Variants in NOL4 observed in about 807,000 individuals in gnomAD.
NOL4 encodes nucleolar protein 4.
In NOL4, 17 loss-of-function variants were observed where a neutral mutation model predicts 75.9. The ratio of observed to expected loss-of-function variants is 0.22; its 90% CI spans 0.15 to 0.34. The LOEUF is 0.34. NOL4 is among the 10% of genes least tolerant of loss of function. NOL4 has a pLI of 1.00. For missense variants in NOL4, 614 were observed against 793.5 expected, an observed-to-expected ratio of 0.77 and a Z score of 2.72; for synonymous variants, 292 against 289.9, an observed-to-expected ratio of 1.01 and a Z score of -0.07.
chr18:33,864,851 A>C (rs1439256839), intron 10 of NOL4, among the ~76,000 whole-genome samples: 1 of 152,200 alleles, frequency 6.6e-6, no homozygotes, highest in Non-Finnish European at 1.5e-5. Context: ...GCAGAAGTTA[A>C]CACATCTTAT....
intron 6 of NOL4, among the ~76,000 whole-genome samples, chr18:33,997,109 T>G (rs2073347194): frequency 6.6e-6 from 1 of 151,994 alleles, no homozygotes; most frequent in African/African-American, 2.4e-5. Context: ...TAGGTTCCAC[T>G]TGTCAATTTT....
At chr18:34,189,787 T>C (rs1180669738) in intron 1 of NOL4, among the ~76,000 whole-genome samples, 1 of 152,018 alleles carries the variant, frequency 6.6e-6, no homozygotes, top group Non-Finnish European at 1.5e-5. Context: ...AATAAATACA[T>C]ATTTTTTAAT....
In NOL4 at chr18:34,009,718, G is replaced by A. The variant is rs115097185; in HGVS notation, c.1056+9600C>T. Among the ~76,000 whole-genome samples, 860 of 151,926 alleles carry A rather than the reference G, an allele frequency of 5.7e-3. 8 individuals carry two copies. Among genetic ancestry groups the A allele is most frequent in the African/African-American group, 0.019 (804 of 41,484 alleles). The stretch of plus-strand genomic sequence containing the variant: ...CTAGTAGCTGGGGGTCTCAGCATCA[G>A]GTCAAGTTTGCAGCTACTCATTCTC... On this transcript the variant is annotated intron_variant, in intron 6 of 10. Coordinates refer to ENST00000261592, the MANE Select transcript of NOL4 (RefSeq NM_003787.5).
intron 9 of NOL4, among the ~76,000 whole-genome samples, chr18:33,935,985 T>C (rs1264925473): frequency 1.3e-5 from 2 of 152,142 alleles, no homozygotes; most frequent in Non-Finnish European, 2.9e-5. Context: ...CTTGTTAATA[T>C]CACAATGTCT....
At chr18:34,185,887 C>T (rs2034426353) in intron 1 of NOL4, among the ~76,000 whole-genome samples, 1 of 152,170 alleles carries the variant, frequency 6.6e-6, no homozygotes, top group Non-Finnish European at 1.5e-5. Flanking sequence ...ATAACTAGAA[C>T]ATACATGCAA....
intron 6 of NOL4, among the ~76,000 whole-genome samples, chr18:33,985,986 T>C (rs147634149): frequency 1.6e-3 from 248 of 152,204 alleles, no homozygotes; most frequent in African/African-American, 5.6e-3. Flanking sequence ...TCATAAACTT[T>C]TCATCAAATA....
intron 1 of NOL4, among the ~76,000 whole-genome samples, chr18:34,171,986 G>A (rs1256418813): frequency 1.3e-5 from 2 of 151,974 alleles, no homozygotes; most frequent in Non-Finnish European, 2.9e-5. Context: ...ATGAAGCCTT[G>A]CCTGTACAAA....
chr18:33,973,888 C>T (rs1434402913), intron 6 of NOL4, among the ~76,000 whole-genome samples: 3 of 151,110 alleles, frequency 2.0e-5, no homozygotes, highest in Admixed American at 6.6e-5. Flanking sequence ...TCTTAAGGGC[C>T]GTAGGATTTT....
At chr18:34,204,437 T>C (rs1033119248) in intron 1 of NOL4, among the ~76,000 whole-genome samples, 10 of 152,246 alleles carry the variant, frequency 6.6e-5, no homozygotes, top group African/African-American at 2.2e-4. Flanking sequence ...CCTTCTCTTA[T>C]CCTTTTATAA....
At chr18:34,134,043 T>C (rs1376727333) in intron 1 of NOL4, among the ~76,000 whole-genome samples, 1 of 152,082 alleles carries the variant, frequency 6.6e-6, no homozygotes, top group African/African-American at 2.4e-5. Context: ...TATACTTTTC[T>C]ACTTTCTTCC....
chr18:34,010,146 C>G (rs1323864876), intron 6 of NOL4, among the ~76,000 whole-genome samples: 2 of 151,810 alleles, frequency 1.3e-5, no homozygotes, highest in South Asian at 2.1e-4. Context: ...TACACTTCCC[C>G]CCTCTCCCCA....
Position 34,065,114 on chromosome 18 carries a change from G to A in NOL4, c.772+28351C>T, listed in dbSNP as rs111498680. Among the ~76,000 whole-genome samples, 853 of 151,962 alleles carry A rather than the reference G, an allele frequency of 5.6e-3. 7 individuals carry two copies. The highest frequency in any genetic ancestry group is 7.4e-3 in the Non-Finnish European group (503 of 67,794). On this transcript the variant is annotated intron_variant, in intron 5 of 10. Transcript: ENST00000261592. Reference sequence around the variant, plus strand: ...AAGGGTTAGATAATGATATCACTACGTCCTTTAGCAGAGAAAGGAGCTTAG... The same window carrying A: ...AAGGGTTAGATAATGATATCACTACATCCTTTAGCAGAGAAAGGAGCTTAG...
chr18:34,211,542 C>T (rs995978388), intron 1 of NOL4, among the ~76,000 whole-genome samples: 2 of 152,180 alleles, frequency 1.3e-5, no homozygotes, highest in Admixed American at 6.5e-5. Flanking sequence ...TAAAACCCTT[C>T]AGCCATCTGG....
intron 1 of NOL4, among the ~76,000 whole-genome samples, chr18:34,159,933 C>T (rs1333990478): frequency 2.0e-5 from 3 of 152,074 alleles, no homozygotes; most frequent in Admixed American, 6.5e-5. Context: ...GTGGAGTTGT[C>T]AGCTGGCCAT....
At chr18:34,090,471 G>A (rs928878584) in intron 5 of NOL4, among the ~76,000 whole-genome samples, 6 of 152,128 alleles carry the variant, frequency 3.9e-5, no homozygotes, top group African/African-American at 1.4e-4. Context: ...AAAGATGTCA[G>A]GGCTTGGAGA....
intron 1 of NOL4, among the ~76,000 whole-genome samples, chr18:34,194,453 A>AAGGAAGGAAGGC (rs1364141491): frequency 7.5e-5 from 11 of 147,042 alleles, no homozygotes; most frequent in East Asian, 2.0e-4. Context: ...GGAAGGAAGG[A>AAGGAAGGAAGGC]AGGAAGGCAG....
intron 6 of NOL4, among the ~76,000 whole-genome samples, chr18:34,003,004 A>C (rs1248780492): frequency 1.3e-5 from 2 of 152,102 alleles, no homozygotes; most frequent in African/African-American, 4.8e-5. Context: ...TTTCAAAAAG[A>C]GGAGTGCCAG....
intron 9 of NOL4, 90 bp from the exon 10 acceptor site, chr18:33,883,514 C>T: frequency 1.1e-6 from 1 of 935,358 alleles, no homozygotes; most frequent in Non-Finnish European, 1.5e-6. Context: ...TAAATACCTG[C>T]ATTGAATAAG....
intron 5 of NOL4, among the ~76,000 whole-genome samples, chr18:34,083,448 T>C (rs183069994): frequency 2.0e-5 from 3 of 152,214 alleles, no homozygotes; most frequent in African/African-American, 7.2e-5. Flanking sequence ...TTAATTCCTT[T>C]CTCTAGTTTA....
Sources: gnomAD v4.1 joint callset for allele counts (sites outside exome capture counted in the v4.1 genomes callset) on GRCh38, gnomAD v4.1.1 for gene constraint, MANE v1.5 for transcripts, NCBI Gene and HGNC (gene_info 2026-07-23, HGNC 2026-07-21) for gene names.